The following ETF1 variants were observed in gnomAD, a reference collection of about 807,000 sequenced individuals.
The protein encoded by ETF1 is eukaryotic translation termination factor 1.
In ETF1, 4 loss-of-function variants were observed where a neutral mutation model predicts 55.1. The ratio of observed to expected loss-of-function variants is 0.07; its 90% CI spans 0.04 to 0.17. The LOEUF is 0.17. ETF1 is among the 10% of genes least tolerant of loss of function. ETF1 has a pLI of 1.00. For synonymous variants in ETF1, 157 were observed against 182.3 expected (o/e 0.86, Z 1.12); for missense variants, 142 against 523.6 (o/e 0.27, Z 7.11).
At chr5:138,517,871 ACTT>A (rs1161012539) in intron 3 of ETF1, 171 bp from the exon 4 acceptor site, 3 of 985,064 alleles carry the variant, frequency 3.0e-6, no homozygotes, top group Non-Finnish European at 3.6e-6. Flanking sequence ...TAATTTTAAA[ACTT>A]CTTCTGAGAC....
chr5:138,511,363 T>C, intron 7 of ETF1, 112 bp downstream of exon 7: 1 of 1,517,148 alleles, frequency 6.6e-7, no homozygotes, highest in Non-Finnish European at 8.8e-7. Context: ...TTTTGGTACC[T>C]TGTCTCATAC....
chr5:138,542,403 G>A (rs976260834), intron 2 of ETF1, among the ~76,000 whole-genome samples: 9 of 152,154 alleles, frequency 5.9e-5, no homozygotes, highest in African/African-American at 2.2e-4. Context: ...GAAGGGAGAG[G>A]CCATTTTAAT....
At chr5:138,515,484 T>C (rs750354109) in intron 4 of ETF1, among the ~76,000 whole-genome samples, 12 of 152,256 alleles carry the variant, frequency 7.9e-5, no homozygotes, top group Non-Finnish European at 1.0e-4. Context: ...GTTAATAATA[T>C]AGCCTTATCA....
At chr5:138,534,568 T>C (rs1159890563) in intron 2 of ETF1, among the ~76,000 whole-genome samples, 1 of 152,264 alleles carries the variant, frequency 6.6e-6, no homozygotes. Context: ...ATCCAAGTTC[T>C]TCCTAGGGTG....
At chr5:138,542,273 A>G (rs1024154779) in intron 2 of ETF1, among the ~76,000 whole-genome samples, 1 of 152,176 alleles carries the variant, frequency 6.6e-6, no homozygotes, top group Non-Finnish European at 1.5e-5. Context: ...AGGACTTGGG[A>G]GAAGTCATCT....
chr5:138,532,553 T>C (rs1487376206), intron 2 of ETF1, among the ~76,000 whole-genome samples: 1 of 152,164 alleles, frequency 6.6e-6, no homozygotes, highest in Non-Finnish European at 1.5e-5. Flanking sequence ...TGGAAAGAAG[T>C]AGCACAGCCC....
At chr5:138,535,114 C>T (rs1047899570) in intron 2 of ETF1, among the ~76,000 whole-genome samples, 1 of 151,310 alleles carries the variant, frequency 6.6e-6, no homozygotes, top group Non-Finnish European at 1.5e-5. Flanking sequence ...ACACACCCAA[C>T]TAATTTTTTT....
At chr5:138,521,094 G>A (rs898298069) in intron 2 of ETF1, among the ~76,000 whole-genome samples, 5 of 152,110 alleles carry the variant, frequency 3.3e-5, no homozygotes, top group African/African-American at 1.2e-4. Flanking sequence ...ACATCCACTG[G>A]TGGATGAACA....
intron 6 of ETF1, 195 bp downstream of exon 6, chr5:138,512,569 T>C: frequency 2.1e-6 from 1 of 467,506 alleles, no homozygotes; most frequent in Admixed American, 4.4e-5. Context: ...AAATGGTTGA[T>C]TTCAGAAGAG....
chr5:138,535,408 G>A (rs1410791769), intron 2 of ETF1, among the ~76,000 whole-genome samples: 2 of 151,450 alleles, frequency 1.3e-5, no homozygotes, highest in African/African-American at 4.8e-5. Flanking sequence ...TCGGCTCACT[G>A]CAACCTCCTT....
chr5:138,543,193 A>G lies in ETF1; in HGVS notation c.-115T>C. 1 of 550,276 alleles carries G rather than the reference A, an allele frequency of 1.8e-6. No individual in the cohort carries two copies. The highest frequency in any genetic ancestry group is 3.2e-6 in the Non-Finnish European group (1 of 311,232). 34.1% of individuals were successfully genotyped at this position (550,276 alleles called of 1,614,324 possible). A position where few individuals can be genotyped will look rare whatever the true frequency, so the allele number is the denominator to read the frequency against. On this transcript the variant is annotated 5_prime_UTR_variant, in exon 1 of 11. Coordinates refer to ENST00000360541, the MANE Select transcript of ETF1 (RefSeq NM_004730.4). ...CGTAGGACACCGGCTCCCTCTCTCCAGGCAGCTGCATGTGTTGCAATCCGC... is the reference window on the plus strand; with the variant it reads ...CGTAGGACACCGGCTCCCTCTCTCCGGGCAGCTGCATGTGTTGCAATCCGC...
At chr5:138,537,895 A>T (rs184247771) in intron 2 of ETF1, among the ~76,000 whole-genome samples, 7,768 of 108,110 alleles carry the variant, frequency 0.072, 227 homozygotes, top group Middle Eastern at 0.096. Flanking sequence ...TATTATTATT[A>T]TTTTTTTTTT....
At chr5:138,529,493 T>A in intron 2 of ETF1, 1 of 520,928 alleles carries the variant, frequency 1.9e-6, no homozygotes, top group South Asian at 8.2e-5. Context: ...TAGTGAATCA[T>A]GGGGTACAGC....
At chr5:138,514,968 C>A (rs1201207095) in intron 4 of ETF1, among the ~76,000 whole-genome samples, 2 of 152,142 alleles carry the variant, frequency 1.3e-5, no homozygotes, top group East Asian at 3.9e-4. Context: ...ATAAACTGAT[C>A]CTCCTCTTTG....
intron 2 of ETF1, chr5:138,519,154 CT>C: frequency 2.0e-6 from 2 of 984,302 alleles, no homozygotes; most frequent in Non-Finnish European, 2.4e-6. Flanking sequence ...AAGAAAGAAG[CT>C]ATCTATGATA....
At chr5:138,542,810 A>T (rs1446798778) in intron 2 of ETF1, 23 bp downstream of exon 2, 1 of 1,611,050 alleles carries the variant, frequency 6.2e-7, no homozygotes, top group Non-Finnish European at 8.5e-7. Context: ...GAGGGCACGG[A>T]GGGTGCCGGA....
At chr5:138,521,904 T>C (rs1765248795) in intron 2 of ETF1, among the ~76,000 whole-genome samples, 1 of 152,162 alleles carries the variant, frequency 6.6e-6, no homozygotes, top group Admixed American at 6.5e-5. Flanking sequence ...CAGATGAAAA[T>C]CACCTGGGGA....
chr5:138,537,596 TA>T (rs1350942188), intron 2 of ETF1, among the ~76,000 whole-genome samples: 2 of 152,146 alleles, frequency 1.3e-5, no homozygotes, highest in African/African-American at 4.8e-5. Flanking sequence ...TTGTTATTAT[TA>T]TTTTTTTTGA....
At chr5:138,537,053 G>C (rs1765966460) in intron 2 of ETF1, among the ~76,000 whole-genome samples, 1 of 152,182 alleles carries the variant, frequency 6.6e-6, no homozygotes, top group Non-Finnish European at 1.5e-5. Context: ...TTCAAAGGGA[G>C]TAATTGTTCA....
Sources: gnomAD v4.1 joint callset for allele counts (sites outside exome capture counted in the v4.1 genomes callset) on GRCh38, gnomAD v4.1.1 for gene constraint, MANE v1.5 for transcripts, NCBI Gene and HGNC (gene_info 2026-07-23, HGNC 2026-07-21) for gene names.